The following LRMDA variants were observed in gnomAD, a reference collection of about 807,000 sequenced individuals.
LRMDA encodes leucine rich melanocyte differentiation associated.
LRMDA carries 18 observed loss-of-function variants against 29.8 expected under a neutral mutation model. The ratio of observed to expected loss-of-function variants is 0.60; its 90% confidence interval spans 0.42 to 0.90. The LOEUF (loss-of-function observed/expected upper bound fraction) is 0.90. LRMDA is among the 40% of genes least tolerant of loss of function. The probability of loss-of-function intolerance (pLI) is 0.00; values close to 1 mark genes in which losing one functional copy is unlikely to be tolerated. For missense variants in LRMDA, 273 were observed against 273.9 expected (o/e 1.00, Z 0.02); for synonymous variants, 125 against 109.4 (o/e 1.14, Z -0.89).
intron 5 of LRMDA, among the ~76,000 whole-genome samples, chr10:76,170,565 GA>G (rs1850816457): frequency 6.6e-6 from 1 of 152,200 alleles, no homozygotes; most frequent in South Asian, 2.1e-4. Flanking sequence ...GTAAAGCAGA[GA>G]TAATACTGCT....
chr10:76,340,009 A>C (rs1321072861), intron 6 of LRMDA, among the ~76,000 whole-genome samples: 3 of 152,192 alleles, frequency 2.0e-5, no homozygotes, highest in African/African-American at 7.2e-5. Context: ...ACTCTAGGTC[A>C]GTCTCTTTTT....
intron 5 of LRMDA, among the ~76,000 whole-genome samples, chr10:76,180,759 A>G (rs1190612047): frequency 2.6e-5 from 4 of 152,208 alleles, no homozygotes; most frequent in East Asian, 3.9e-4. Context: ...TAACCTGTCT[A>G]TCCTTTAAGG....
intron 6 of LRMDA, among the ~76,000 whole-genome samples, chr10:76,445,419 C>T (rs1842344954): frequency 6.6e-6 from 1 of 152,168 alleles, no homozygotes; most frequent in Non-Finnish European, 1.5e-5. Flanking sequence ...GGCTCTGACT[C>T]CCCTCAGAGG....
intron 5 of LRMDA, among the ~76,000 whole-genome samples, chr10:76,238,824 C>G (rs2132281709): frequency 6.6e-6 from 1 of 151,454 alleles, no homozygotes; most frequent in East Asian, 1.9e-4. Flanking sequence ...GATCACATAT[C>G]CCATAAAGAA....
chr10:76,506,023 G>A (rs1342918315), intron 6 of LRMDA, among the ~76,000 whole-genome samples: 3 of 152,002 alleles, frequency 2.0e-5, no homozygotes, highest in African/African-American at 4.8e-5. Flanking sequence ...AGCTATTTGG[G>A]GCCAGGAACT....
chr10:75,661,769 T>C (rs1224434407), intron 2 of LRMDA, among the ~76,000 whole-genome samples: 1 of 152,000 alleles, frequency 6.6e-6, no homozygotes, highest in African/African-American at 2.4e-5. Context: ...AAGAGTGAAA[T>C]TGAGACTTTA....
At chr10:76,269,196 T>C (rs1188910650) in intron 5 of LRMDA, among the ~76,000 whole-genome samples, 2 of 152,182 alleles carry the variant, frequency 1.3e-5, no homozygotes, top group East Asian at 1.9e-4. Flanking sequence ...TGTGATGTGC[T>C]GCAGGTTATT....
intron 5 of LRMDA, among the ~76,000 whole-genome samples, chr10:76,314,804 T>TTGAA (rs1199939450): frequency 3.9e-5 from 6 of 152,346 alleles, no homozygotes; most frequent in African/African-American, 1.4e-4. Flanking sequence ...CACTGGTTAT[T>TTGAA]TGAACCCAAA....
intron 5 of LRMDA, among the ~76,000 whole-genome samples, chr10:76,217,274 A>G (rs1314545487): frequency 6.6e-6 from 1 of 152,192 alleles, no homozygotes; most frequent in East Asian, 1.9e-4. Context: ...AAGAGATTTC[A>G]TGGCTTCATT....
chr10:75,721,566 G>C (rs1052619091), intron 2 of LRMDA, among the ~76,000 whole-genome samples: 1 of 152,096 alleles, frequency 6.6e-6, no homozygotes, highest in African/African-American at 2.4e-5. Context: ...GATTATTAGG[G>C]ATTCTGGGTG....
intron 5 of LRMDA, among the ~76,000 whole-genome samples, chr10:76,286,380 C>T (rs866639909): frequency 3.3e-5 from 5 of 152,324 alleles, no homozygotes; most frequent in African/African-American, 1.2e-4. Context: ...TGACCCCGGG[C>T]TTTTCTAGTC....
intron 6 of LRMDA, among the ~76,000 whole-genome samples, chr10:76,340,536 A>G (rs1002073112): frequency 1.4e-3 from 207 of 149,856 alleles, no homozygotes; most frequent in African/African-American, 4.1e-3. Flanking sequence ...AAAAAAAAAA[A>G]AGAGAGAGAG....
chr10:75,842,257 T>C (rs540043708), intron 2 of LRMDA, among the ~76,000 whole-genome samples: 5 of 152,372 alleles, frequency 3.3e-5, no homozygotes, highest in Admixed American at 6.5e-5. Flanking sequence ...AAATAAATTC[T>C]GTGCTTCTCA....
intron 2 of LRMDA, among the ~76,000 whole-genome samples, chr10:75,675,435 G>C (rs1479199674): frequency 6.6e-6 from 1 of 152,196 alleles, no homozygotes; most frequent in African/African-American, 2.4e-5. Context: ...CCTGAGACTT[G>C]ACACAAGTTT....
intron 5 of LRMDA, among the ~76,000 whole-genome samples, chr10:76,110,212 C>A (rs577490022): frequency 1.3e-5 from 2 of 152,206 alleles, no homozygotes; most frequent in Non-Finnish European, 1.5e-5. Flanking sequence ...AAGTCAGAAG[C>A]TTGAGTTGGC....
intron 5 of LRMDA, chr10:76,319,174 G>C (rs1000041831): frequency 1.3e-5 from 2 of 152,304 alleles, no homozygotes; most frequent in African/African-American, 4.8e-5. Flanking sequence ...CTCCCAAAGT[G>C]CTGGGATTAC....
intron 2 of LRMDA, among the ~76,000 whole-genome samples, chr10:75,494,172 T>C (rs1333077452): frequency 6.6e-6 from 1 of 152,250 alleles, no homozygotes; most frequent in African/African-American, 2.4e-5. Flanking sequence ...GATGAATCCA[T>C]GTTTCTTTCC....
intron 2 of LRMDA, among the ~76,000 whole-genome samples, chr10:75,925,277 G>A (rs920462645): frequency 3.3e-5 from 5 of 151,956 alleles, no homozygotes; most frequent in Non-Finnish European, 5.9e-5. Context: ...TACTCCTGGC[G>A]GTGAGGTTAA....
At position 75,567,380 on chromosome 10, in the gene LRMDA, A is replaced by G. The variant is rs561414060; in HGVS notation, c.131+128886A>G. ...GGCATCCCCCTACTAACTAATGATT[A>G]CTTTTAGAATCTGGAGTGAGATTCT... is the stretch of plus-strand genomic sequence containing the variant. On this transcript the variant is annotated intron_variant, in intron 2 of 6. Transcript: ENST00000611255. Among the ~76,000 whole-genome samples, 79 of 152,324 alleles carry G rather than the reference A, an allele frequency of 5.2e-4. 1 individual carries two copies. Among genetic ancestry groups the G allele is most frequent in the African/African-American group, 1.8e-3 (76 of 41,570 alleles).
Sources: allele counts gnomAD v4.1 joint callset (sites outside exome capture counted in the v4.1 genomes callset), GRCh38; gene constraint gnomAD v4.1.1; transcripts MANE v1.5; gene names NCBI Gene and HGNC (gene_info 2026-07-23, HGNC 2026-07-21).